The following BTD variants were observed in gnomAD, a reference collection of about 807,000 sequenced individuals.
The protein encoded by BTD is biotinidase, also known as biocytinase.
In BTD, 13 loss-of-function variants were observed where a neutral mutation model predicts 17.7. The ratio of observed to expected loss-of-function variants is 0.74; its 90% CI spans 0.48 to 1.17. The LOEUF is 1.17. Among genes scored for constraint, BTD ranks in the 50% most tolerant of loss-of-function variants. The pLI is 0.00. For missense variants in BTD, 674 were observed against 650.4 expected (o/e 1.04, Z -0.39); for synonymous variants, 240 against 245.2 (o/e 0.98, Z 0.20).
At position 15,706,102 on chromosome 3, in the gene BTD, T is replaced by G. The variant is rs376497707; in HGVS notation, c.400-3958T>G. ...GTGTGTGATTCTGAAATCTTTTTTT[T>G]ATTGTTATACTTTGTTCTAGAGTAC... On this transcript the variant is annotated intron_variant, in intron 3 of 3. Transcript: ENST00000672141. 9.3e-4 allele frequency among the ~76,000 whole-genome samples: 142 copies of G among 152,240 alleles called. No homozygotes were observed. The South Asian group carries it at 0.028, about 30-fold the overall frequency.
intron 3 of BTD, among the ~76,000 whole-genome samples, chr3:15,695,770 C>T (rs1234010784): frequency 6.6e-6 from 1 of 152,000 alleles, no homozygotes; most frequent in African/African-American, 2.4e-5. Context: ...TTTTGGAATT[C>T]CCTAAATATA....
At chr3:15,686,649 G>A (rs1243200297) in intron 3 of BTD, among the ~76,000 whole-genome samples, 2 of 152,160 alleles carry the variant, frequency 1.3e-5, no homozygotes, top group Non-Finnish European at 2.9e-5. Context: ...ACCATGATTA[G>A]ACCAAGTCAA....
chr3:15,654,009 A>T (rs1282642726), downstream of BTD, among the ~76,000 whole-genome samples: 4 of 152,236 alleles, frequency 2.6e-5, no homozygotes, highest in Non-Finnish European at 5.9e-5. Flanking sequence ...GGCGTGAGCC[A>T]CTGCGCCCGG....
At chr3:15,710,036 G>GTTT (rs34686530) in intron 3 of BTD, among the ~76,000 whole-genome samples, 6 of 146,320 alleles carry the variant, frequency 4.1e-5, no homozygotes, top group African/African-American at 5.0e-5. Flanking sequence ...TTGCTTATAG[G>GTTT]TTTTTTTTTT....
At chr3:15,628,178 G>A (rs2065113454) in intron 1 of BTD, among the ~76,000 whole-genome samples, 1 of 152,224 alleles carries the variant, frequency 6.6e-6, no homozygotes, top group South Asian at 2.1e-4. Context: ...TTGATGTAGT[G>A]ACATTGTATC....
intron 3 of BTD, chr3:15,667,762 T>G (rs1380168526): frequency 6.6e-6 from 1 of 152,164 alleles, no homozygotes; most frequent in Non-Finnish European, 1.5e-5. Context: ...GTTTTCTTAG[T>G]GGGGTGGCAT....
intron 3 of BTD, 23 bp downstream of exon 3, chr3:15,642,080 G>T: frequency 1.2e-6 from 2 of 1,613,516 alleles, no homozygotes; most frequent in Non-Finnish European, 1.7e-6. Flanking sequence ...TTTTTCCTCA[G>T]TAGGCTGAGG....
intron 1 of BTD, among the ~76,000 whole-genome samples, chr3:15,622,247 G>C (rs2064968680): frequency 6.6e-6 from 1 of 152,020 alleles, no homozygotes; most frequent in South Asian, 2.1e-4. Context: ...TAAAACTTTA[G>C]ACTACTGATC....
chr3:15,693,460 A>T (rs1264398190), intron 3 of BTD, among the ~76,000 whole-genome samples: 1 of 152,170 alleles, frequency 6.6e-6, no homozygotes, highest in Non-Finnish European at 1.5e-5. Flanking sequence ...TAAGGAAACA[A>T]CATCATTAAA....
downstream of BTD, among the ~76,000 whole-genome samples, chr3:15,654,404 T>G (rs140489271): frequency 1.3e-5 from 2 of 152,138 alleles, no homozygotes; most frequent in African/African-American, 4.8e-5. Flanking sequence ...TTTCAGATGC[T>G]TCACCTCCTC....
chr3:15,631,307 A>G, intron 1 of BTD: 1 of 763,842 alleles, frequency 1.3e-6, no homozygotes, highest in African/African-American at 1.8e-5. Flanking sequence ...CAAGTAAAGA[A>G]TGACAAGATA....
rs1346772870 is a variant in BTD, at chr3:15,651,849, GAGTT to G, written c.*6364_*6367del. Among the ~76,000 whole-genome samples the G allele has an allele frequency of 2.0e-5, 3 of 152,274 alleles. No homozygotes were observed. The East Asian group carries it at 5.8e-4, about 29-fold the overall frequency. On this transcript the variant is annotated 3_prime_UTR_variant, in exon 4 of 4. Transcript: ENST00000643237. ...CCAGTTCATTTGAGAAGAAATAGAG[GAGTT>G]AGGGGAGAGAGAAGCTTCTTAATGA...
intron 3 of BTD, among the ~76,000 whole-genome samples, chr3:15,643,588 A>G (rs1187823382): frequency 6.6e-6 from 1 of 152,076 alleles, no homozygotes; most frequent in African/African-American, 2.4e-5. Flanking sequence ...TGTAATTTGC[A>G]CTTCTCTCTC....
intron 3 of BTD, among the ~76,000 whole-genome samples, chr3:15,660,793 C>A (rs1431832942): frequency 6.6e-6 from 1 of 152,162 alleles, no homozygotes; most frequent in Non-Finnish European, 1.5e-5. Flanking sequence ...CCCTCATATC[C>A]CCTGGCAACC....
rs531435288 is a variant in BTD, at chr3:15,621,104, C to G, written c.-16-14320C>G. Among the ~76,000 whole-genome samples, 48 of 152,352 alleles carry G rather than the reference C, an allele frequency of 3.2e-4. 1 individual carries two copies. In the South Asian group the frequency reaches 7.7e-3, roughly 24 times the overall value. On this transcript the variant is annotated intron_variant, in intron 1 of 3. Transcript: ENST00000643237. Reference sequence around the variant, plus strand: ...CACTTGCTTTTTCTGTTTTCGTTCTCTCTTGTCTCTTGGCTTATTAGATGG... The same window carrying G: ...CACTTGCTTTTTCTGTTTTCGTTCTGTCTTGTCTCTTGGCTTATTAGATGG...
At chr3:15,621,629 C>T (rs62240761) in intron 1 of BTD, among the ~76,000 whole-genome samples, 9 of 150,706 alleles carry the variant, frequency 6.0e-5, no homozygotes, top group East Asian at 1.9e-4. Flanking sequence ...GATGGAGTTT[C>T]GCTCTTGTTG....
chr3:15,686,017 T>C (rs1417944396), intron 3 of BTD: 3 of 1,613,422 alleles, frequency 1.9e-6, no homozygotes, highest in Non-Finnish European at 2.5e-6. Flanking sequence ...TATGCAACGC[T>C]GTCCTTCCCC....
At chr3:15,676,929 TA>T (rs539535013) in intron 3 of BTD, 211 of 1,487,902 alleles carry the variant, frequency 1.4e-4, no homozygotes, top group South Asian at 5.9e-4. Context: ...ATCATTTTTA[TA>T]ATTATAGGTC....
At chr3:15,674,594 T>C (rs1311108719) in intron 3 of BTD, among the ~76,000 whole-genome samples, 1 of 152,126 alleles carries the variant, frequency 6.6e-6, no homozygotes, top group East Asian at 1.9e-4. Flanking sequence ...GCTGGAGATA[T>C]AAATCTGGGA....
Sources: allele counts gnomAD v4.1 joint callset (sites outside exome capture counted in the v4.1 genomes callset), GRCh38; gene constraint gnomAD v4.1.1; transcripts MANE v1.5; gene names NCBI Gene and HGNC (gene_info 2026-07-23, HGNC 2026-07-21).